TRIM5: variants seen among roughly 807,000 people sequenced by gnomAD.
TRIM5 encodes the protein tripartite motif-containing protein 5.
Under a neutral mutation model 35.6 loss-of-function variants are expected in TRIM5, and 31 were observed. The ratio of observed to expected loss-of-function variants is 0.87; its 90% CI spans 0.65 to 1.18. The LOEUF (loss-of-function observed/expected upper bound fraction) is 1.18. TRIM5 is among the 50% of genes most tolerant of loss of function. The pLI is 0.00. For synonymous variants in TRIM5, 243 were observed against 215.6 expected (o/e 1.13, Z -1.11); for missense variants, 609 against 591.6 (o/e 1.03, Z -0.31).
chr11:5,638,792 CT>C, the TRIM5 span, among the ~76,000 whole-genome samples: 1 of 152,086 alleles, frequency 6.6e-6, no homozygotes, highest in Non-Finnish European at 1.5e-5. Flanking sequence ...AGTCTAGCTG[CT>C]TTTTTTCACA....
the TRIM5 span, chr11:5,642,802 CT>C: frequency 2.5e-6 from 4 of 1,613,846 alleles, no homozygotes. Context: ...ATCACTGAAT[CT>C]TTTATTATTT....
chr11:5,681,556 T>C (rs1185251636), intron 1 of TRIM5, among the ~76,000 whole-genome samples: 2 of 152,208 alleles, frequency 1.3e-5, no homozygotes, highest in Non-Finnish European at 2.9e-5. Context: ...ACCCTTATCT[T>C]GTCTCTCCTG....
chr11:5,588,706 A>T, the TRIM5 span, among the ~76,000 whole-genome samples: 1 of 151,700 alleles, frequency 6.6e-6, no homozygotes, highest in East Asian at 1.9e-4. Context: ...GTTGACATCA[A>T]TTGTGATTAG....
In TRIM5 at chr11:5,678,263, T is replaced by C; in HGVS notation, c.685A>G (p.Arg229Gly). ...TEMVQQTQSL[R>G]ELISDLEHRL... ...TGCTCCAGATCTGAGATGAGCTCTC[T>C]CAGGGACTGGGTCTGCTGCACCATC... Residue 229 changes from arginine to glycine, a missense_variant, in exon 4 of 8, where the codon AGA becomes GGA. Physicochemically the swap from Arg to Gly is moderately radical, Grantham distance 125 (BLOSUM62 -2). Coordinates refer to ENST00000380034, the MANE Select transcript of TRIM5 (RefSeq NM_033034.3). 6.2e-7 allele frequency: 1 copy of C among 1,614,188 alleles called. No individual in the cohort carries two copies. Among genetic ancestry groups the C allele is most frequent in the South Asian group, 1.1e-5 (1 of 91,080 alleles).
chr11:5,592,016 G>C, the TRIM5 span, among the ~76,000 whole-genome samples: 2 of 152,170 alleles, frequency 1.3e-5, no homozygotes, highest in Non-Finnish European at 2.9e-5. Context: ...TACTCACATG[G>C]ACTCTGGAGC....
intron 4 of TRIM5, 55 bp from the exon 5 acceptor site, chr11:5,667,766 T>C (rs911413344): frequency 2.9e-5 from 46 of 1,588,046 alleles, no homozygotes; most frequent in South Asian, 3.4e-5. Context: ...TCCTCACTTA[T>C]AAAGCTTCAT....
At chr11:5,678,460 G>A in intron 3 of TRIM5, 26 bp from the exon 4 acceptor site, 2 of 1,481,192 alleles carry the variant, frequency 1.4e-6, no homozygotes, top group Non-Finnish European at 1.8e-6. Flanking sequence ...AAGAGAAAGG[G>A]GCACTCAGTC....
chr11:5,652,962 C>T, the TRIM5 span, among the ~76,000 whole-genome samples: 5,797 of 151,848 alleles, frequency 0.038, 143 homozygotes, highest in Non-Finnish European at 0.057. Flanking sequence ...ATGCCATTCT[C>T]CTGCCTCAGC....
At chr11:5,661,908 G>T (rs1362917582), downstream of TRIM5, among the ~76,000 whole-genome samples, 3 of 152,124 alleles carry the variant, frequency 2.0e-5, no homozygotes, top group Non-Finnish European at 4.4e-5. Context: ...TGTGTAACTG[G>T]GTACTTCATC....
chr11:5,642,034 C>T, the TRIM5 span, among the ~76,000 whole-genome samples: 52 of 152,272 alleles, frequency 3.4e-4, 1 homozygote, highest in African/African-American at 1.2e-3. Flanking sequence ...AGAAGGCCCA[C>T]TGAGATGCAG....
In TRIM5 at chr11:5,664,523, G is replaced by T. The variant is rs1164079088; in HGVS notation, c.*286C>A. 2.7e-6 allele frequency: 3 copies of T among 1,109,770 alleles called. No individual in the cohort carries two copies. The East Asian group carries it at 1.6e-4, about 58-fold the overall frequency. The allele number at this position is 1,109,770 out of a possible 1,614,324, so 68.7% of individuals were successfully genotyped here. ...AGAGGCAATTGGGTGATAAATATCT[G>T]GCAGAAGTAATACCTAAATAGCGGT... On this transcript the variant is annotated 3_prime_UTR_variant, in exon 8 of 8. Coordinates refer to ENST00000380034, the MANE Select transcript of TRIM5 (RefSeq NM_033034.3).
At chr11:5,596,676 C>T in the TRIM5 span, 1 of 645,646 alleles carries the variant, frequency 1.5e-6, no homozygotes, top group Non-Finnish European at 2.6e-6. Flanking sequence ...AACTCCTGAC[C>T]TGTGGGTCCG....
the TRIM5 span, chr11:5,604,671 AT>A: frequency 2.7e-5 from 43 of 1,595,336 alleles, no homozygotes; most frequent in Non-Finnish European, 3.2e-5. Flanking sequence ...GGCAGGAATC[AT>A]GGCAGGTCAT....
intron 1 of TRIM5, among the ~76,000 whole-genome samples, chr11:5,681,581 T>C (rs1852451890): frequency 6.6e-6 from 1 of 152,150 alleles, no homozygotes; most frequent in Admixed American, 6.5e-5. Context: ...ATCATTAAGG[T>C]TTGCGGAGTT....
chr11:5,618,022 T>C, the TRIM5 span, among the ~76,000 whole-genome samples: 1 of 152,194 alleles, frequency 6.6e-6, no homozygotes, highest in African/African-American at 2.4e-5. Context: ...AAATCCTACT[T>C]TGATACCTAT....
the TRIM5 span, among the ~76,000 whole-genome samples, chr11:5,618,478 A>C: frequency 8.8e-4 from 134 of 152,366 alleles, no homozygotes; most frequent in African/African-American, 2.6e-3. Context: ...AAATGATATA[A>C]GTAATATTAA....
chr11:5,621,110 T>C, the TRIM5 span, among the ~76,000 whole-genome samples: 1 of 152,222 alleles, frequency 6.6e-6, no homozygotes, highest in Admixed American at 6.5e-5. Flanking sequence ...CTGGAGGAAA[T>C]TCACTTCTAT....
chr11:5,672,556 T>G (rs1052774613), intron 4 of TRIM5, among the ~76,000 whole-genome samples: 1 of 152,158 alleles, frequency 6.6e-6, no homozygotes, highest in Non-Finnish European at 1.5e-5. Flanking sequence ...TAAAATTTCT[T>G]CAGTTGAAAT....
At chr11:5,642,067 C>G in the TRIM5 span, among the ~76,000 whole-genome samples, 2 of 152,170 alleles carry the variant, frequency 1.3e-5, no homozygotes, top group Non-Finnish European at 2.9e-5. Context: ...ATATCACATA[C>G]CATTTCTACA....
Sources: allele counts gnomAD v4.1 joint callset (sites outside exome capture counted in the v4.1 genomes callset), GRCh38; gene constraint gnomAD v4.1.1; transcripts MANE v1.5; gene names NCBI Gene and HGNC (gene_info 2026-07-23, HGNC 2026-07-21).